The following TOX variants were observed in gnomAD, a reference collection of about 807,000 sequenced individuals.
TOX encodes the protein thymocyte selection-associated high mobility group box protein TOX.
Under a neutral mutation model 53.7 loss-of-function variants are expected in TOX, and 11 were observed. That is an observed-to-expected ratio of 0.20 (90% CI 0.13 to 0.34). TOX has a LOEUF of 0.34. Ranked by LOEUF, TOX falls within the 10% of genes least tolerant of loss-of-function variation. The pLI is 1.00. For synonymous variants in TOX, 225 were observed against 245.3 expected, an observed-to-expected ratio of 0.92 and a Z score of 0.77; for missense variants, 570 against 664.6, an observed-to-expected ratio of 0.86 and a Z score of 1.56.
chr8:58,932,292 AAC>A (rs1272090863), intron 3 of TOX, among the ~76,000 whole-genome samples: 1 of 152,152 alleles, frequency 6.6e-6, no homozygotes, highest in East Asian at 1.9e-4. Flanking sequence ...GAAAAAAAAA[AAC>A]AGGCTATAAT....
At chr8:58,853,228 C>T (rs936666145) in intron 3 of TOX, among the ~76,000 whole-genome samples, 1 of 152,168 alleles carries the variant, frequency 6.6e-6, no homozygotes, top group Non-Finnish European at 1.5e-5. Context: ...TATCCTAGAC[C>T]TCTGGCTGGC....
chr8:58,895,492 G>A (rs550011997), intron 3 of TOX, among the ~76,000 whole-genome samples: 1 of 152,240 alleles, frequency 6.6e-6, no homozygotes, highest in East Asian at 1.9e-4. Flanking sequence ...AGAAGAAGAG[G>A]AAAAACTTTG....
intron 7 of TOX, among the ~76,000 whole-genome samples, chr8:58,808,842 G>C (rs1016912978): frequency 2.0e-5 from 3 of 152,096 alleles, no homozygotes; most frequent in Non-Finnish European, 2.9e-5. Context: ...ACAGTTGTTG[G>C]ACTAATACAG....
At chr8:58,965,903 T>G (rs1461552192) in intron 1 of TOX, among the ~76,000 whole-genome samples, 5 of 144,184 alleles carry the variant, frequency 3.5e-5, no homozygotes, top group African/African-American at 5.1e-5. Context: ...CGTTTTTTTT[T>G]TTTTTTTTTT....
intron 3 of TOX, among the ~76,000 whole-genome samples, chr8:58,901,262 C>G (rs866788134): frequency 2.0e-5 from 3 of 152,060 alleles, no homozygotes; most frequent in Non-Finnish European, 4.4e-5. Flanking sequence ...CAAATAAATG[C>G]ACTTTATGTT....
At chr8:58,874,118 T>G (rs192313329) in intron 3 of TOX, among the ~76,000 whole-genome samples, 94 of 151,870 alleles carry the variant, frequency 6.2e-4, no homozygotes, top group African/African-American at 2.0e-3. Context: ...TATAAGGGAC[T>G]TTAATCCATC....
chr8:59,113,548 T>C (rs1405333834), intron 1 of TOX, among the ~76,000 whole-genome samples: 2 of 152,020 alleles, frequency 1.3e-5, no homozygotes, highest in Non-Finnish European at 2.9e-5. Context: ...CGCATGATTA[T>C]GGTGATGATG....
intron 5 of TOX, among the ~76,000 whole-genome samples, chr8:58,828,872 C>T (rs1810406564): frequency 6.6e-6 from 1 of 152,120 alleles, no homozygotes; most frequent in Non-Finnish European, 1.5e-5. Flanking sequence ...GATAGAAATC[C>T]TATTCAGGAC....
intron 3 of TOX, among the ~76,000 whole-genome samples, chr8:58,913,113 T>C (rs1422190004): frequency 6.6e-6 from 1 of 152,210 alleles, no homozygotes; most frequent in Non-Finnish European, 1.5e-5. Context: ...TTTGGCTCTC[T>C]ACTCCCACCT....
At chr8:59,019,911 A>T (rs780537341) in intron 1 of TOX, among the ~76,000 whole-genome samples, 6 of 152,232 alleles carry the variant, frequency 3.9e-5, no homozygotes, top group Non-Finnish European at 8.8e-5. Context: ...GATGGAACTC[A>T]GCTGCATCTC....
Position 58,909,227 on chromosome 8 carries a change from T to C in TOX, c.411+30075A>G, listed in dbSNP as rs10217096. Reference sequence around the variant, plus strand: ...CTCAGGTTTGACAACACAAGTCTTCTTGCTATTCAAAATGTGGATCCTGCA... The same window carrying C: ...CTCAGGTTTGACAACACAAGTCTTCCTGCTATTCAAAATGTGGATCCTGCA... On this transcript the variant is annotated intron_variant, in intron 3 of 8. Coordinates refer to ENST00000361421, the MANE Select transcript of TOX (RefSeq NM_014729.3). Among the ~76,000 whole-genome samples, 1,139 of 152,242 alleles carry C rather than the reference T, an allele frequency of 7.5e-3. 20 individuals carry two copies. The highest frequency in any genetic ancestry group is 0.026 in the African/African-American group (1,088 of 41,482).
chr8:58,976,293 G>A (rs1438212502), intron 1 of TOX, among the ~76,000 whole-genome samples: 1 of 152,168 alleles, frequency 6.6e-6, no homozygotes, highest in African/African-American at 2.4e-5. Context: ...TTCACCAATG[G>A]TGATTCTATC....
chr8:59,046,873 A>G (rs1217916317), intron 1 of TOX, among the ~76,000 whole-genome samples: 1 of 151,120 alleles, frequency 6.6e-6, no homozygotes, highest in African/African-American at 2.4e-5. Flanking sequence ...AAAAAAAAAA[A>G]AAAAAAAAAA....
intron 1 of TOX, among the ~76,000 whole-genome samples, chr8:59,109,745 G>A (rs1804978798): frequency 6.6e-6 from 1 of 152,088 alleles, no homozygotes; most frequent in Admixed American, 6.6e-5. Context: ...AAATTCAAAT[G>A]TTTTACTACC....
At chr8:58,987,991 C>A (rs1233019761) in intron 1 of TOX, among the ~76,000 whole-genome samples, 1 of 152,190 alleles carries the variant, frequency 6.6e-6, no homozygotes, top group East Asian at 1.9e-4. Context: ...GGAATCCAAT[C>A]CAGGTCTTCT....
intron 1 of TOX, among the ~76,000 whole-genome samples, chr8:59,086,072 G>T (rs191337993): frequency 7.2e-6 from 1 of 138,836 alleles, no homozygotes; most frequent in Non-Finnish European, 1.5e-5. Context: ...TGCAACCTCC[G>T]CCTGTGGGGT....
At chr8:59,034,782 A>T (rs1814424132) in intron 1 of TOX, among the ~76,000 whole-genome samples, 1 of 152,318 alleles carries the variant, frequency 6.6e-6, no homozygotes, top group Non-Finnish European at 1.5e-5. Flanking sequence ...ATTAGAACAA[A>T]TACCTACACG....
intron 1 of TOX, among the ~76,000 whole-genome samples, chr8:59,054,861 GAA>G (rs1803860613): frequency 8.2e-6 from 1 of 122,234 alleles, no homozygotes; most frequent in African/African-American, 3.1e-5. Context: ...AAAAGAGAGA[GAA>G]AGAGAAAGCA....
intron 1 of TOX, among the ~76,000 whole-genome samples, chr8:59,115,427 T>C (rs1466086602): frequency 6.6e-6 from 1 of 152,214 alleles, no homozygotes; most frequent in Non-Finnish European, 1.5e-5. Flanking sequence ...ACTCTGTAGG[T>C]ATATATTTAA....
Sources: gnomAD v4.1 joint callset for allele counts (sites outside exome capture counted in the v4.1 genomes callset) on GRCh38, gnomAD v4.1.1 for gene constraint, MANE v1.5 for transcripts, NCBI Gene and HGNC (gene_info 2026-07-23, HGNC 2026-07-21) for gene names.